The following GPC5 variants were observed in gnomAD, a reference collection of about 807,000 sequenced individuals.
GPC5 encodes glypican-5.
Under a neutral mutation model 53.9 loss-of-function variants are expected in GPC5, and 47 were observed. The observed-to-expected ratio is 0.87, with a 90% confidence interval of 0.69 to 1.11. The LOEUF (loss-of-function observed/expected upper bound fraction) is 1.11. Ranked by LOEUF, GPC5 falls within the 50% of genes most tolerant of loss-of-function variation. The pLI is 0.00. For synonymous variants in GPC5, 286 were observed against 263.3 expected (o/e 1.09, Z -0.84); for missense variants, 748 against 713.1 (o/e 1.05, Z -0.56).
intron 2 of GPC5, among the ~76,000 whole-genome samples, chr13:91,689,176 CATATATAAATATATATATATATAT>C (rs1398502058): frequency 5.1e-5 from 3 of 59,010 alleles, no homozygotes; most frequent in African/African-American, 1.7e-4. Flanking sequence ...CTCAAAAAAT[CATATATAAATATATATATATATAT>C]ATATATATAT....
At position 91,517,226 on chromosome 13, in the gene GPC5, A is replaced by C. The variant is rs1388365296; in HGVS notation, c.325+68304A>C. Among the ~76,000 whole-genome samples, 3 of 152,166 alleles carry C rather than the reference A, an allele frequency of 2.0e-5. No individual in the cohort carries two copies. In the East Asian group the frequency reaches 5.8e-4, roughly 29 times the overall value. On this transcript the variant is annotated intron_variant, in intron 2 of 7. Transcript: ENST00000377067. Reference sequence around the variant, plus strand: ...TGCATAGTCAGGCTGCATATTTTCCAAACTTTTATGCTCTGCTTTCCTGAT... The same window carrying C: ...TGCATAGTCAGGCTGCATATTTTCCCAACTTTTATGCTCTGCTTTCCTGAT...
Position 92,109,061 on chromosome 13 carries a change from G to GTTTTTTTT in GPC5, c.1402-35753_1402-35746dup, listed in dbSNP as rs35762919. Among the ~76,000 whole-genome samples, 7 of 87,518 alleles carry GTTTTTTTT rather than the reference G, an allele frequency of 8.0e-5. 1 individual carries two copies. The highest frequency in any genetic ancestry group is 8.7e-5 in the Non-Finnish European group (4 of 46,194). 57.4% of individuals were successfully genotyped at this position (87,518 alleles called of 152,430 possible). On this transcript the variant is annotated intron_variant, in intron 6 of 7. Transcript: ENST00000377067. ...CTTCTATGTATGTATCAATATGTTG[G>GTTTTTTTT]TTTTTTTTTTTTTTTTTTTTTTTGA... is the stretch of plus-strand genomic sequence containing the variant.
chr13:92,289,088 CA>C (rs71120090), intron 7 of GPC5, among the ~76,000 whole-genome samples: 2,547 of 140,990 alleles, frequency 0.018, 68 homozygotes, highest in African/African-American at 0.057. Flanking sequence ...AATAAATTAC[CA>C]AAAAAAAAAA....
intron 7 of GPC5, chr13:92,339,844 C>T (rs2043351449): frequency 6.6e-6 from 1 of 152,124 alleles, no homozygotes; most frequent in Admixed American, 6.6e-5. Context: ...TTCTAATCAA[C>T]ACCTTATAAT....
intron 7 of GPC5, among the ~76,000 whole-genome samples, chr13:92,394,618 TGGTACCTG>T (rs1419366199): frequency 2.6e-5 from 4 of 152,206 alleles, no homozygotes; most frequent in Non-Finnish European, 5.9e-5. Flanking sequence ...ACCCAGTCTA[TGGTACCTG>T]TGATAGCAGC....
At chr13:91,535,230 C>T (rs1886534262) in intron 2 of GPC5, among the ~76,000 whole-genome samples, 1 of 152,164 alleles carries the variant, frequency 6.6e-6, no homozygotes, top group Non-Finnish European at 1.5e-5. Context: ...AGACATCACC[C>T]TTTCATTAGA....
intron 7 of GPC5, among the ~76,000 whole-genome samples, chr13:92,477,163 C>T (rs1208784302): frequency 6.6e-6 from 1 of 152,090 alleles, no homozygotes; most frequent in Admixed American, 6.6e-5. Context: ...TATTTAGGCA[C>T]ACCTATGCAA....
At chr13:92,054,291 A>T (rs1594745631) in intron 6 of GPC5, among the ~76,000 whole-genome samples, 1 of 151,966 alleles carries the variant, frequency 6.6e-6, no homozygotes, top group Non-Finnish European at 1.5e-5. Context: ...TCTAAAAAAA[A>T]GTTATATTCT....
Position 92,679,735 on chromosome 13 carries a change from C to A in GPC5, c.1562-186547C>A, listed in dbSNP as rs369968878. Among the ~76,000 whole-genome samples the A allele has an allele frequency of 1.8e-4, 27 of 152,198 alleles. No homozygotes were observed. In the South Asian group the frequency reaches 5.6e-3, roughly 32 times the overall value. ...GGTTCATCAGCAAATGCTATGAAGT[C>A]TAATTAATATAACTAATGGATCTCT... On this transcript the variant is annotated intron_variant, in intron 7 of 7. Coordinates refer to ENST00000377067, the MANE Select transcript of GPC5 (RefSeq NM_004466.6).
At chr13:91,783,253 T>C (rs1342351844) in intron 5 of GPC5, among the ~76,000 whole-genome samples, 1 of 151,176 alleles carries the variant, frequency 6.6e-6, no homozygotes, top group Non-Finnish European at 1.5e-5. Flanking sequence ...AAACTCCATC[T>C]CAATAAATAA....
intron 6 of GPC5, among the ~76,000 whole-genome samples, chr13:92,046,235 T>A (rs1367125180): frequency 6.6e-6 from 1 of 152,228 alleles, no homozygotes; most frequent in Non-Finnish European, 1.5e-5. Context: ...CTGAAGTCTC[T>A]TCTTTAAATT....
chr13:92,652,236 TG>T (rs1402708310), intron 7 of GPC5, among the ~76,000 whole-genome samples: 1 of 152,218 alleles, frequency 6.6e-6, no homozygotes, highest in Non-Finnish European at 1.5e-5. Context: ...AACTTCTTTT[TG>T]CTACCAAGCT....
At chr13:91,434,298 T>A (rs1420983546) in intron 1 of GPC5, among the ~76,000 whole-genome samples, 22 of 152,240 alleles carry the variant, frequency 1.4e-4, no homozygotes, top group African/African-American at 5.1e-4. Flanking sequence ...CTGAATGGTA[T>A]TGCCTAGGTT....
At chr13:92,474,205 G>C (rs1288789566) in intron 7 of GPC5, among the ~76,000 whole-genome samples, 1 of 151,036 alleles carries the variant, frequency 6.6e-6, no homozygotes, top group Non-Finnish European at 1.5e-5. Context: ...CTAGACATCG[G>C]TCCTTGGGAC....
At position 91,856,007 on chromosome 13, in the gene GPC5, G is replaced by A. The variant is rs536955533; in HGVS notation, c.1281-51930G>A. Among the ~76,000 whole-genome samples the A allele has an allele frequency of 4.6e-5, 7 of 151,440 alleles. No homozygotes were observed. The South Asian group carries it at 1.5e-3, about 31-fold the overall frequency. The stretch of plus-strand genomic sequence containing the variant: ...GCTCCAAGAGGCAACATGCTTTCTG[G>A]TCTATATCCATGTAATAGTTTTGTC... On this transcript the variant is annotated intron_variant, in intron 5 of 7. Transcript: ENST00000377067.
At chr13:92,480,657 TAAA>T (rs145571657) in intron 7 of GPC5, among the ~76,000 whole-genome samples, 4,093 of 152,242 alleles carry the variant, frequency 0.027, 209 homozygotes, top group African/African-American at 0.093. Context: ...ATTCGCAGAC[TAAA>T]AAACACTGTG....
intron 7 of GPC5, among the ~76,000 whole-genome samples, chr13:92,777,879 C>T (rs1000690691): frequency 6.6e-6 from 1 of 152,166 alleles, no homozygotes; most frequent in African/African-American, 2.4e-5. Context: ...TTGTGTACAC[C>T]TAGCACTTAC....
chr13:92,621,923 TACA>T (rs1383105021), intron 7 of GPC5, among the ~76,000 whole-genome samples: 1 of 152,076 alleles, frequency 6.6e-6, no homozygotes, highest in Non-Finnish European at 1.5e-5. Context: ...ATTACTCAAC[TACA>T]ACAACAAAAA....
chr13:92,040,320 C>T (rs1396364255), intron 6 of GPC5, among the ~76,000 whole-genome samples: 1 of 152,136 alleles, frequency 6.6e-6, no homozygotes, highest in African/African-American at 2.4e-5. Context: ...AACGTTCCCC[C>T]ATCTGAGTGA....
Sources: allele counts gnomAD v4.1 joint callset (sites outside exome capture counted in the v4.1 genomes callset), GRCh38; gene constraint gnomAD v4.1.1; transcripts MANE v1.5; gene names NCBI Gene and HGNC (gene_info 2026-07-23, HGNC 2026-07-21).